The following PDE2A variants were observed in gnomAD, a reference collection of about 807,000 sequenced individuals.
PDE2A encodes cGMP-dependent 3',5'-cyclic phosphodiesterase.
In PDE2A, 53 loss-of-function variants were observed where a neutral mutation model predicts 133.6. The ratio of observed to expected loss-of-function variants is 0.40; its 90% CI spans 0.32 to 0.50. PDE2A has a LOEUF of 0.50. PDE2A is among the 20% of genes least tolerant of loss of function. The pLI is 0.73. For synonymous variants in PDE2A, 491 were observed against 490.2 expected, an observed-to-expected ratio of 1.00 and a Z score of -0.02; for missense variants, 796 against 1,232.4, an observed-to-expected ratio of 0.65 and a Z score of 5.30.
chr11:72,651,736 GC>G (rs1457157910), intron 1 of PDE2A, among the ~76,000 whole-genome samples: 9 of 152,222 alleles, frequency 5.9e-5, no homozygotes, highest in African/African-American at 2.2e-4. Flanking sequence ...GCATCCTCTG[GC>G]AGTGCCAGTG....
In PDE2A at chr11:72,671,620, G is replaced by A. The variant is rs536189626; in HGVS notation, c.71+2517C>T. On this transcript the variant is annotated intron_variant, in intron 1 of 30. Transcript: ENST00000334456. ...CTTGGTGGGCAGGGGGAATGACTGC[G>A]GGGGGTGGGGGTGCAGGGAGCATAA... Among the ~76,000 whole-genome samples, 8 of 152,210 alleles carry A rather than the reference G, an allele frequency of 5.3e-5. No homozygotes were observed. The East Asian group carries it at 7.7e-4, about 15-fold the overall frequency.
At chr11:72,586,203 C>T (rs1433128024) in intron 13 of PDE2A, 22 bp from the exon 14 acceptor site, 2 of 1,427,922 alleles carry the variant, frequency 1.4e-6, no homozygotes, top group Non-Finnish European at 9.8e-7. Flanking sequence ...GGTGGGCTCA[C>T]TCAGGAGGGA....
At chr11:72,631,216 C>T in intron 2 of PDE2A, 2 of 1,186,698 alleles carry the variant, frequency 1.7e-6, no homozygotes, top group East Asian at 2.8e-5. Context: ...TCCCATTAGC[C>T]CCCAGCAAGC....
chr11:72,642,212 G>C (rs1345098709), intron 2 of PDE2A, 42 bp downstream of exon 2: 1 of 1,414,286 alleles, frequency 7.1e-7, no homozygotes, highest in Admixed American at 3.2e-5. Context: ...GCGCTCGCCG[G>C]ACACCCCGTT....
chr11:72,670,000 T>C (rs1356607943), intron 1 of PDE2A, among the ~76,000 whole-genome samples: 1 of 152,138 alleles, frequency 6.6e-6, no homozygotes, highest in East Asian at 1.9e-4. Context: ...CAGTCTAGGC[T>C]CAATTCCCCA....
rs57956369 is a variant in PDE2A, at chr11:72,655,347, A to AGCTTGG, written c.72-13022_72-13021insCCAAGC. Among the ~76,000 whole-genome samples, 95 of 151,878 alleles carry AGCTTGG rather than the reference A, an allele frequency of 6.3e-4. 1 individual carries two copies. The highest frequency in any genetic ancestry group is 2.2e-3 in the African/African-American group (92 of 41,406). ...GCCAGCCAGTGCCACAGCCAGGGTG[A>AGCTTGG]GGCAGCCTGGGGACAATGAGCAGTG... On this transcript the variant is annotated intron_variant, in intron 1 of 30. Transcript: ENST00000334456.
intron 2 of PDE2A, among the ~76,000 whole-genome samples, chr11:72,634,928 T>A (rs1858605894): frequency 6.6e-6 from 1 of 152,254 alleles, no homozygotes; most frequent in African/African-American, 2.4e-5. Flanking sequence ...AGGCAGGGGT[T>A]CATGCATTTC....
At chr11:72,653,803 A>G (rs1424390473) in intron 1 of PDE2A, among the ~76,000 whole-genome samples, 1 of 152,196 alleles carries the variant, frequency 6.6e-6, no homozygotes, top group African/African-American at 2.4e-5. Context: ...TGTCCCCTAG[A>G]ACACAGAATC....
intron 4 of PDE2A, among the ~76,000 whole-genome samples, chr11:72,603,462 G>A (rs532553220): frequency 4.1e-4 from 63 of 152,244 alleles, no homozygotes; most frequent in African/African-American, 1.5e-3. Context: ...TGGGTCCTAG[G>A]GAGTGAAGCA....
At chr11:72,637,885 A>T (rs535964079) in intron 2 of PDE2A, among the ~76,000 whole-genome samples, 45 of 152,202 alleles carry the variant, frequency 3.0e-4, no homozygotes, top group African/African-American at 1.1e-3. Context: ...TACCCTTAGG[A>T]TGTCAAGATC....
At chr11:72,649,040 T>C (rs1214363498) in intron 1 of PDE2A, among the ~76,000 whole-genome samples, 2 of 152,132 alleles carry the variant, frequency 1.3e-5, no homozygotes, top group African/African-American at 2.4e-5. Context: ...TGGCTTCCTA[T>C]TGCCAGCAGG....
At chr11:72,626,759 G>A (rs1387051132) in intron 2 of PDE2A, among the ~76,000 whole-genome samples, 1 of 152,176 alleles carries the variant, frequency 6.6e-6, no homozygotes, top group Non-Finnish European at 1.5e-5. Context: ...CCCGCAGCTG[G>A]GCCCACATAT....
chr11:72,635,001 G>T (rs1022390375), intron 2 of PDE2A, among the ~76,000 whole-genome samples: 2 of 152,210 alleles, frequency 1.3e-5, no homozygotes, highest in African/African-American at 4.8e-5. Flanking sequence ...GGGAAGGGGC[G>T]GGGGTGAGCA....
chr11:72,584,124 C>A, intron 19 of PDE2A, 77 bp downstream of exon 19: 1 of 761,478 alleles, frequency 1.3e-6, no homozygotes, highest in African/African-American at 1.7e-5. Flanking sequence ...GAGAGTCAGT[C>A]GGAGGAGGAG....
intron 1 of PDE2A, among the ~76,000 whole-genome samples, chr11:72,664,391 T>TTTTTTTTTTTG (rs57162079): frequency 2.0e-5 from 2 of 102,116 alleles, no homozygotes; most frequent in South Asian, 3.0e-4. Flanking sequence ...TTTTTTTTTT[T>TTTTTTTTTTTG]GAGACGGAGT....
At chr11:72,638,937 T>C (rs1858829987) in intron 2 of PDE2A, among the ~76,000 whole-genome samples, 1 of 152,200 alleles carries the variant, frequency 6.6e-6, no homozygotes, top group African/African-American at 2.4e-5. Flanking sequence ...AGCCCCAGGC[T>C]GCATTTCTCT....
Position 72,582,678 on chromosome 11 carries a change from G to A in PDE2A, c.1729-112C>T, listed in dbSNP as rs546565359. On this transcript the variant is annotated intron_variant, in intron 20 of 30. Transcript: ENST00000334456. ...CCGTCACCCAGAATGTACCACAGTTGGGCCACCACGCTGTGGACTGTAACT... is the reference window on the plus strand; with the variant it reads ...CCGTCACCCAGAATGTACCACAGTTAGGCCACCACGCTGTGGACTGTAACT... 5.8e-5 allele frequency: 61 copies of A among 1,059,956 alleles called. No homozygotes were observed. The African/African-American group carries it at 8.5e-4, about 15-fold the overall frequency. The allele number at this position is 1,059,956 out of a possible 1,614,324, so 65.7% of individuals were successfully genotyped here. A position where few individuals can be genotyped will look rare whatever the true frequency, so the allele number is the denominator to read the frequency against.
At chr11:72,586,224 G>A in intron 13 of PDE2A, 43 bp from the exon 14 acceptor site, 2 of 1,160,236 alleles carry the variant, frequency 1.7e-6, no homozygotes, top group Non-Finnish European at 2.6e-6. Context: ...AGGGAAGACT[G>A]GCTTCTCTCC....
intron 2 of PDE2A, among the ~76,000 whole-genome samples, chr11:72,613,646 C>G (rs1174953448): frequency 6.6e-6 from 1 of 152,068 alleles, no homozygotes; most frequent in East Asian, 1.9e-4. Flanking sequence ...CTGCATACTT[C>G]CTGCCCCCAC....
Sources: allele counts gnomAD v4.1 joint callset (sites outside exome capture counted in the v4.1 genomes callset), GRCh38; gene constraint gnomAD v4.1.1; transcripts MANE v1.5; gene names NCBI Gene and HGNC (gene_info 2026-07-23, HGNC 2026-07-21).